Variants in ST3GAL5 observed in about 807,000 individuals in gnomAD.
ST3GAL5 encodes the protein lactosylceramide alpha-2,3-sialyltransferase.
A neutral mutation model predicts 46.1 loss-of-function variants in ST3GAL5; 25 were observed. That is an observed-to-expected ratio of 0.54 (90% CI 0.40 to 0.76). The LOEUF is 0.76. Among genes scored for constraint, ST3GAL5 ranks in the 30% least tolerant of loss-of-function variants. The probability of loss-of-function intolerance (pLI) is 0.00; values close to 1 mark genes in which losing one functional copy is unlikely to be tolerated. For missense variants in ST3GAL5, 431 were observed against 521.2 expected (o/e 0.83, Z 1.69); for synonymous variants, 182 against 192.7 (o/e 0.94, Z 0.46).
At chr2:85,852,475 C>CT (rs1283672385) in intron 3 of ST3GAL5, among the ~76,000 whole-genome samples, 2 of 152,126 alleles carry the variant, frequency 1.3e-5, no homozygotes, top group African/African-American at 4.8e-5. Flanking sequence ...TAAGTTATAA[C>CT]TCTTACCCAG....
intron 1 of ST3GAL5, chr2:85,867,924 C>T: frequency 2.1e-6 from 1 of 479,268 alleles, no homozygotes; most frequent in South Asian, 1.9e-5. Context: ...GCTTTAGCCT[C>T]CACAGTATAA....
chr2:85,849,777 T>A (rs571345968), intron 3 of ST3GAL5: 1 of 152,148 alleles, frequency 6.6e-6, no homozygotes, highest in Non-Finnish European at 1.5e-5. Context: ...TGTGCTTTTT[T>A]ATCCTTGTCT....
chr2:85,857,603 TGA>T (rs1389738521), intron 3 of ST3GAL5, among the ~76,000 whole-genome samples: 3 of 150,798 alleles, frequency 2.0e-5, no homozygotes, highest in Non-Finnish European at 3.0e-5. Flanking sequence ...TGTGAGGGGT[TGA>T]GTGTGCCTAA....
intron 1 of ST3GAL5, among the ~76,000 whole-genome samples, chr2:85,867,306 C>A: frequency 6.6e-6 from 1 of 152,212 alleles, no homozygotes; most frequent in South Asian, 2.1e-4. Flanking sequence ...GTCTCAGGCC[C>A]GCCCCAGTCT....
In ST3GAL5 at chr2:85,839,334, A is replaced by G. The variant is rs888938276; in HGVS notation, c.*810T>C. On this transcript the variant is annotated 3_prime_UTR_variant, in exon 7 of 7. Coordinates refer to ENST00000638572, the MANE Select transcript of ST3GAL5 (RefSeq NM_003896.4). ...AGGGTGTACTCTCCCATGACTCTGG[A>G]TAATAGAAGTTTTGTTCTGATTTTT... 1 of 152,182 alleles carries G rather than the reference A, an allele frequency of 6.6e-6. No homozygotes were observed. The allele number at this position is 152,182 out of a possible 1,614,324, so 9.4% of individuals were successfully genotyped here. A position where few individuals can be genotyped will look rare whatever the true frequency, so the allele number is the denominator to read the frequency against.
rs1681859431 is a variant in ST3GAL5, at chr2:85,840,282, G to A, written c.1119C>T (p.His373=). The change falls in exon 7 of 7, where the codon CAC becomes CAT. Residue 373 remains histidine, a synonymous_variant. Transcript: ENST00000638572. ...YDLNQPRTPL[H]YFDSQCMAAM... Reference sequence around the variant, plus strand: ...CAGCCATGCATTGACTGTCGAAGTAGTGCAAAGGTGTTCTGGGTTGATTGA... The same window carrying A: ...CAGCCATGCATTGACTGTCGAAGTAATGCAAAGGTGTTCTGGGTTGATTGA... 4 of 1,614,078 alleles carry A rather than the reference G, an allele frequency of 2.5e-6. No homozygotes were observed. The African/African-American group carries it at 5.3e-5, about 22-fold the overall frequency.
Position 85,880,899 on chromosome 2 carries a change from G to T in ST3GAL5, c.82+7925C>A. On this transcript the variant is annotated intron_variant, in intron 1 of 6. Transcript: ENST00000638572. ...GGTCTATTTTAACTTATCTATGTTGGACATGCGGGCAGAGTGTCAGATGAT... is the reference window on the plus strand; with the variant it reads ...GGTCTATTTTAACTTATCTATGTTGTACATGCGGGCAGAGTGTCAGATGAT... The T allele has an allele frequency of 3.9e-6, 2 of 518,590 alleles. 1 individual carries two copies. Among genetic ancestry groups the T allele is most frequent in the South Asian group, 2.8e-5 (2 of 71,544 alleles). 32.1% of individuals were successfully genotyped at this position (518,590 alleles called of 1,614,324 possible).
At chr2:85,846,866 C>A (rs937806951) in intron 4 of ST3GAL5, 2 of 303,080 alleles carry the variant, frequency 6.6e-6, no homozygotes, top group East Asian at 1.3e-4. Flanking sequence ...AGTAAAATAT[C>A]CTCAGAAATT....
At chr2:85,857,892 C>T (rs1387539637) in intron 3 of ST3GAL5, among the ~76,000 whole-genome samples, 1 of 152,174 alleles carries the variant, frequency 6.6e-6, no homozygotes, top group African/African-American at 2.4e-5. Context: ...CTCTAAAGGG[C>T]AGCCCTCGCT....
chr2:85,883,627 G>C (rs933086185), intron 1 of ST3GAL5, among the ~76,000 whole-genome samples: 4 of 152,192 alleles, frequency 2.6e-5, no homozygotes, highest in African/African-American at 9.7e-5. Flanking sequence ...ATGGCAGAAT[G>C]TCAAGTGCAG....
rs140134329 is a variant in ST3GAL5 at position 85,861,374 on chromosome 2, A to C, written c.207-82T>G. The C allele has an allele frequency of 2.1e-4, 194 of 903,394 alleles. 5 individuals are homozygous for C. In the Middle Eastern group the frequency reaches 9.1e-3, roughly 42 times the overall value. The allele number at this position is 903,394 out of a possible 1,614,324, so 56.0% of individuals were successfully genotyped here. ...ATGTGAAACTGAAAACGGAATCCTA[A>C]ATGAGTCTGCCTGCTATGCAGCATA... On this transcript the variant is annotated intron_variant, in intron 2 of 6. Transcript: ENST00000638572.
chr2:85,871,795 T>C (rs1041997707), intron 1 of ST3GAL5, among the ~76,000 whole-genome samples: 1 of 152,088 alleles, frequency 6.6e-6, no homozygotes, highest in Non-Finnish European at 1.5e-5. Flanking sequence ...GTATTTGTAA[T>C]GTCGGGAGGG....
Position 85,888,867 on chromosome 2 carries a change from G to C in ST3GAL5, c.39C>G (p.Pro13=). 7.3e-7 allele frequency: 1 copy of C among 1,363,712 alleles called. No individual in the cohort carries two copies. Among genetic ancestry groups the C allele is most frequent in the Non-Finnish European group, 9.5e-7 (1 of 1,051,220 alleles). The allele number at this position is 1,363,712 out of a possible 1,614,324, so 84.5% of individuals were successfully genotyped here. A position where few individuals can be genotyped will look rare whatever the true frequency, so the allele number is the denominator to read the frequency against. ...TKAAGCAERR[P]LQPRTEAAAA... The stretch of plus-strand genomic sequence containing the variant: ...CCGCTGCCTCGGTCCGCGGCTGCAG[G>C]GGACGCCGCTCCGCGCAGCCCGCCG... Residue 13 remains proline (P), a synonymous_variant, in exon 1 of 7, where the codon CCC becomes CCG. Coordinates refer to ENST00000638572, the MANE Select transcript of ST3GAL5 (RefSeq NM_003896.4).
At chr2:85,846,799 G>C in intron 4 of ST3GAL5, 1 of 518,200 alleles carries the variant, frequency 1.9e-6, no homozygotes, top group Non-Finnish European at 3.4e-6. Context: ...ATTTCATCTA[G>C]CCCTAATATT....
chr2:85,839,760 G>C lies in ST3GAL5; in HGVS notation c.*384C>G, dbSNP rs1449967422. 6.0e-6 allele frequency: 2 copies of C among 332,606 alleles called. No individual in the cohort carries two copies. The highest frequency in any genetic ancestry group is 1.1e-3 in the Middle Eastern group (1 of 934). 20.6% of individuals were successfully genotyped at this position (332,606 alleles called of 1,614,324 possible). On this transcript the variant is annotated 3_prime_UTR_variant, in exon 7 of 7. Transcript: ENST00000638572. ...GCAGGGAACCAGAATGAGGTTCAGG[G>C]CCACCATCAAAAGAGTGACCTCCCC...
intron 1 of ST3GAL5, among the ~76,000 whole-genome samples, chr2:85,867,342 C>G (rs1165188593): frequency 6.6e-6 from 1 of 152,126 alleles, no homozygotes; most frequent in African/African-American, 2.4e-5. Flanking sequence ...TTAATGAGAT[C>G]CTGGGACATT....
chr2:85,852,301 AC>A (rs1254913922), intron 3 of ST3GAL5, among the ~76,000 whole-genome samples: 1 of 152,148 alleles, frequency 6.6e-6, no homozygotes, highest in Non-Finnish European at 1.5e-5. Flanking sequence ...ACCTTGTGGA[AC>A]TTTCATTTCC....
intron 1 of ST3GAL5, among the ~76,000 whole-genome samples, chr2:85,874,715 C>T (rs1242670400): frequency 6.6e-6 from 1 of 151,850 alleles, no homozygotes; most frequent in African/African-American, 2.4e-5. Flanking sequence ...AATCCAGGAA[C>T]CTAAAAAGTA....
In ST3GAL5 at chr2:85,863,566, T is replaced by TTA. The variant is rs1274129724; in HGVS notation, c.83-83_83-82dup. On this transcript the variant is annotated intron_variant, in intron 1 of 6. Coordinates refer to ENST00000638572, the MANE Select transcript of ST3GAL5 (RefSeq NM_003896.4). ...ATGGATTATGGTTTTCAAAGAGCCTTTATATGTTGCATCCATACCATGGAA... is the reference window on the plus strand; with the variant it reads ...ATGGATTATGGTTTTCAAAGAGCCTTTATATATGTTGCATCCATACCATGGAA... 177 of 1,486,608 alleles carry TTA rather than the reference T, an allele frequency of 1.2e-4. No individual in the cohort carries two copies. The South Asian group carries it at 1.6e-3, about 14-fold the overall frequency. The allele number at this position is 1,486,608 out of a possible 1,614,324, so 92.1% of individuals were successfully genotyped here.
Sources: allele counts gnomAD v4.1 joint callset (sites outside exome capture counted in the v4.1 genomes callset), GRCh38; gene constraint gnomAD v4.1.1; transcripts MANE v1.5; gene names NCBI Gene and HGNC (gene_info 2026-07-23, HGNC 2026-07-21).